Variants in WARS1 observed in about 807,000 individuals in gnomAD.
WARS1 encodes the protein tryptophan--tRNA ligase, cytoplasmic.
Under a neutral mutation model 47.8 loss-of-function variants are expected in WARS1, and 17 were observed. The ratio of observed to expected loss-of-function variants is 0.36; its 90% CI spans 0.24 to 0.53. The LOEUF (loss-of-function observed/expected upper bound fraction) is 0.53. WARS1 is among the 20% of genes least tolerant of loss of function. The probability of loss-of-function intolerance (pLI) is 0.91; values close to 1 mark genes in which losing one functional copy is unlikely to be tolerated. For synonymous variants in WARS1, 208 were observed against 228.1 expected, an observed-to-expected ratio of 0.91 and a Z score of 0.79; for missense variants, 434 against 608.0, an observed-to-expected ratio of 0.71 and a Z score of 3.01.
chr14:100,363,581 T>C (rs1304898142), intron 2 of WARS1, among the ~76,000 whole-genome samples: 2 of 152,088 alleles, frequency 1.3e-5, no homozygotes, highest in Admixed American at 6.5e-5. Context: ...CCTGTGTTCC[T>C]AGCTCATCGG....
chr14:100,338,967 G>A (rs376272064), intron 9 of WARS1, among the ~76,000 whole-genome samples: 38 of 151,702 alleles, frequency 2.5e-4, no homozygotes, highest in African/African-American at 8.5e-4. Flanking sequence ...TTAGCTGGGC[G>A]TGGTGTCATG....
At position 100,361,697 on chromosome 14, in the gene WARS1, A is replaced by AGAG; in HGVS notation, c.313+8_313+10dup. 1 of 1,611,552 alleles carries AGAG rather than the reference A, an allele frequency of 6.2e-7. No individual in the cohort carries two copies. Among genetic ancestry groups the AGAG allele is most frequent in the East Asian group, 2.2e-5 (1 of 44,818 alleles). On this transcript the variant is annotated intron_variant, in intron 3 of 10. Coordinates refer to ENST00000392882, the MANE Select transcript of WARS1 (RefSeq NM_004184.4). The stretch of plus-strand genomic sequence containing the variant: ...TTGCAGCTTTTTCTGGGAAGAAAGC[A>AGAG]GAGGACGTACCAATGAGCTTATCGT...
Position 100,360,660 on chromosome 14 carries a change from G to T in WARS1, c.316C>A (p.Arg106=). The part of the protein sequence containing the change: ...KGIDYDKLIV[R]FGSSKIDKEL... ...TTGTCAATTTTACTACTTCCAAACC[G>T]AACTGGAAAAAAAGAAAAGATGACT... Residue 106 remains arginine, a splice_region_variant and synonymous_variant, in exon 4 of 11, where the codon CGG becomes AGG. Coordinates refer to ENST00000392882, the MANE Select transcript of WARS1 (RefSeq NM_004184.4). 6.2e-7 allele frequency: 1 copy of T among 1,608,852 alleles called. No homozygotes were observed. The highest frequency in any genetic ancestry group is 1.1e-5 in the South Asian group (1 of 90,796).
intron 4 of WARS1, 132 bp from the exon 5 acceptor site, chr14:100,354,698 G>T (rs1375754597): frequency 1.9e-6 from 2 of 1,075,178 alleles, no homozygotes; most frequent in Admixed American, 5.4e-5. Flanking sequence ...TGTTACCTTT[G>T]GTGCTTATGA....
At position 100,371,447 on chromosome 14, in the gene WARS1, C is replaced by CAAA. The variant is rs60977618; in HGVS notation, c.-73-2192_-73-2190dup. ...CCTGGGTGACAGAAAGGTTCTGTCT[C>CAAA]AAAAAAAAAAAAAAAAAAAAGTAGG... On this transcript the variant is annotated intron_variant, in intron 1 of 10. Coordinates refer to ENST00000392882, the MANE Select transcript of WARS1 (RefSeq NM_004184.4). Among the ~76,000 whole-genome samples the CAAA allele has an allele frequency of 5.5e-4, 49 of 89,156 alleles. 8 individuals are homozygous for CAAA. Among genetic ancestry groups the CAAA allele is most frequent in the Admixed American group, 1.8e-3 (19 of 10,386 alleles). 58.5% of individuals were successfully genotyped at this position (89,156 alleles called of 152,430 possible). A position where few individuals can be genotyped will look rare whatever the true frequency, so the allele number is the denominator to read the frequency against.
chr14:100,371,659 T>G (rs1202814007), intron 1 of WARS1, among the ~76,000 whole-genome samples: 1 of 151,978 alleles, frequency 6.6e-6, no homozygotes, highest in Non-Finnish European at 1.5e-5. Context: ...CACTTGAACC[T>G]GGGAGGCAGA....
chr14:100,374,092 C>G (rs541482900), intron 1 of WARS1: 1 of 152,144 alleles, frequency 6.6e-6, no homozygotes. Context: ...CTTGCAAGTA[C>G]ATTGGTATGT....
At chr14:100,363,273 C>T (rs890785962) in intron 2 of WARS1, among the ~76,000 whole-genome samples, 1 of 105,582 alleles carries the variant, frequency 9.5e-6, no homozygotes, top group African/African-American at 3.0e-5. Flanking sequence ...AACATTTAAC[C>T]AATGTCCCTG....
intron 2 of WARS1, chr14:100,366,585 G>A (rs1010487492): frequency 1.5e-6 from 1 of 684,410 alleles, no homozygotes; most frequent in Non-Finnish European, 2.7e-6. Flanking sequence ...ATCTCAGAGA[G>A]AGAGAGTTGA....
In WARS1 at chr14:100,334,310, CT is replaced by C. The variant is rs1893563458; in HGVS notation, c.*564del. The C allele has an allele frequency of 6.6e-6, 1 of 152,518 alleles. No homozygotes were observed. The highest frequency in any genetic ancestry group is 2.4e-5 in the African/African-American group (1 of 41,408). 9.4% of individuals were successfully genotyped at this position (152,518 alleles called of 1,614,324 possible). On this transcript the variant is annotated 3_prime_UTR_variant, in exon 11 of 11. Coordinates refer to ENST00000392882, the MANE Select transcript of WARS1 (RefSeq NM_004184.4). ...GTTCAATCTTCATTGTTAAAAGCAG[CT>C]TTAAAGCTGGGTGATTTCTTAGTCA...
At chr14:100,350,103 A>G (rs10873516) in intron 6 of WARS1, among the ~76,000 whole-genome samples, 151,887 of 152,218 alleles carry the variant, frequency 1, 75,779 homozygotes, top group Middle Eastern at 1. Flanking sequence ...TGTTTGTAAG[A>G]AAAAAGGAAG....
intron 9 of WARS1, among the ~76,000 whole-genome samples, chr14:100,337,618 A>AG (rs1284530958): frequency 7.2e-6 from 1 of 139,058 alleles, no homozygotes. Context: ...TGGGAGGCTG[A>AG]GGGGGGAGGA....
At chr14:100,345,463 G>C (rs1894536704) in intron 7 of WARS1, among the ~76,000 whole-genome samples, 1 of 152,008 alleles carries the variant, frequency 6.6e-6, no homozygotes, top group South Asian at 2.1e-4. Flanking sequence ...CTTGAAGGCA[G>C]CATGCTCGTT....
At chr14:100,342,634 G>T in intron 8 of WARS1, 63 bp from the exon 9 acceptor site, 1 of 1,496,226 alleles carries the variant, frequency 6.7e-7, no homozygotes, top group Admixed American at 1.9e-5. Flanking sequence ...TCAGCCATGA[G>T]CAGTCCCTGT....
At chr14:100,338,594 C>G (rs540860241) in intron 9 of WARS1, among the ~76,000 whole-genome samples, 47 of 147,602 alleles carry the variant, frequency 3.2e-4, no homozygotes, top group Admixed American at 5.4e-4. Flanking sequence ...GTCACCATGC[C>G]CGGCTAATTT....
At chr14:100,339,641 G>A (rs1193705877) in intron 9 of WARS1, among the ~76,000 whole-genome samples, 1 of 150,422 alleles carries the variant, frequency 6.6e-6, no homozygotes, top group Non-Finnish European at 1.5e-5. Context: ...GAAAAACTAT[G>A]GAAAATACCA....
chr14:100,335,100 C>CT, intron 10 of WARS1, 64 bp from the exon 11 acceptor site: 1 of 1,550,390 alleles, frequency 6.4e-7, no homozygotes, highest in South Asian at 1.2e-5. Flanking sequence ...TCCTTCCTGC[C>CT]TCGGGCACCA....
chr14:100,344,344 T>C (rs373167853), intron 7 of WARS1, among the ~76,000 whole-genome samples: 5 of 152,214 alleles, frequency 3.3e-5, no homozygotes, highest in Non-Finnish European at 5.9e-5. Flanking sequence ...CTCGGCCTCC[T>C]GAGGTGCCGG....
At chr14:100,355,319 C>T (rs1047908319) in intron 4 of WARS1, among the ~76,000 whole-genome samples, 13 of 152,142 alleles carry the variant, frequency 8.5e-5, no homozygotes, top group Admixed American at 2.6e-4. Flanking sequence ...CTCCTGGGTT[C>T]AAGCGATTCT....
Sources: gnomAD v4.1 joint callset for allele counts (sites outside exome capture counted in the v4.1 genomes callset) on GRCh38, gnomAD v4.1.1 for gene constraint, MANE v1.5 for transcripts, NCBI Gene and HGNC (gene_info 2026-07-23, HGNC 2026-07-21) for gene names.